The following ARL8B variants were observed in gnomAD, a reference collection of about 807,000 sequenced individuals.
The protein encoded by ARL8B is ADP-ribosylation factor-like protein 8B.
A neutral mutation model predicts 30.6 loss-of-function variants in ARL8B; 9 were observed. The observed-to-expected ratio is 0.29, with a 90% CI of 0.18 to 0.51. The LOEUF (loss-of-function observed/expected upper bound fraction) is 0.51, where lower values mean the gene tolerates loss of function less well. ARL8B is among the 20% of genes least tolerant of loss of function. The pLI, the probability that ARL8B is intolerant of heterozygous loss-of-function variation, is 0.97. For synonymous variants in ARL8B, 74 were observed against 76.0 expected, an observed-to-expected ratio of 0.97 and a Z score of 0.14; for missense variants, 130 against 227.2, an observed-to-expected ratio of 0.57 and a Z score of 2.75.
intron 6 of ARL8B, among the ~76,000 whole-genome samples, chr3:5,174,723 TTATATGTAATA>T (rs1437955363): frequency 2.1e-5 from 3 of 141,620 alleles, no homozygotes; most frequent in East Asian, 4.0e-4. Context: ...GTATTATATA[TTATATGTAATA>T]TATATGTAAT....
intron 1 of ARL8B, among the ~76,000 whole-genome samples, chr3:5,138,293 T>C (rs940490773): frequency 6.6e-6 from 1 of 152,148 alleles, no homozygotes; most frequent in East Asian, 1.9e-4. Context: ...AGTCTAACAT[T>C]GACTTCAAGC....
chr3:5,146,991 A>ATGACCATTCT (rs1301682556), intron 1 of ARL8B, among the ~76,000 whole-genome samples: 2 of 150,854 alleles, frequency 1.3e-5, no homozygotes, highest in African/African-American at 4.9e-5. Flanking sequence ...GTCTTCATTA[A>ATGACCATTCT]TGGTCATGAG....
intron 1 of ARL8B, among the ~76,000 whole-genome samples, chr3:5,170,204 A>G (rs2054660395): frequency 6.6e-6 from 1 of 152,238 alleles, no homozygotes; most frequent in Admixed American, 6.5e-5. Flanking sequence ...CTAGGTGAAC[A>G]CATTTAAAAA....
At chr3:5,158,348 T>G (rs3864061) in intron 1 of ARL8B, among the ~76,000 whole-genome samples, 1 of 152,140 alleles carries the variant, frequency 6.6e-6, no homozygotes, top group Non-Finnish European at 1.5e-5. Flanking sequence ...TGGTATTCAG[T>G]GGAAGGAACA....
At chr3:5,171,316 A>C (rs926271771) in intron 2 of ARL8B, among the ~76,000 whole-genome samples, 1 of 152,178 alleles carries the variant, frequency 6.6e-6, no homozygotes, top group Admixed American at 6.5e-5. Flanking sequence ...TAAAATGATT[A>C]TGGATGTGGC....
At chr3:5,163,909 T>C (rs1194687078) in intron 1 of ARL8B, among the ~76,000 whole-genome samples, 1 of 152,144 alleles carries the variant, frequency 6.6e-6, no homozygotes, top group Non-Finnish European at 1.5e-5. Flanking sequence ...GGGAATATCA[T>C]ATTTGAATAT....
At chr3:5,157,745 C>T (rs1205072466) in intron 1 of ARL8B, 2 of 152,204 alleles carry the variant, frequency 1.3e-5, no homozygotes, top group Non-Finnish European at 2.9e-5. Flanking sequence ...TATCGCCCCC[C>T]ATATACACAC....
intron 1 of ARL8B, among the ~76,000 whole-genome samples, chr3:5,138,477 G>C (rs911763010): frequency 5.3e-5 from 8 of 152,100 alleles, no homozygotes; most frequent in African/African-American, 1.9e-4. Context: ...TTGACCTCAA[G>C]TTTTCTTTTC....
rs188733305 is a variant in ARL8B, at chr3:5,129,918, T to C, written c.123+7330T>C. ...TTGCTCTATCACCCAGGCTGTAGTA[T>C]AGTGGCATGATCTTGGCTCACTGCA... On this transcript the variant is annotated intron_variant, in intron 1 of 6. Transcript: ENST00000256496. Among the ~76,000 whole-genome samples the C allele has an allele frequency of 5.3e-5, 8 of 152,212 alleles. No individual in the cohort carries two copies. The South Asian group carries it at 8.3e-4, about 16-fold the overall frequency.
Position 5,165,319 on chromosome 3 carries a change from A to G in ARL8B, c.124-5184A>G, listed in dbSNP as rs139166558. Among the ~76,000 whole-genome samples, 497 of 152,308 alleles carry G rather than the reference A, an allele frequency of 3.3e-3. 1 individual carries two copies. Among genetic ancestry groups the G allele is most frequent in the African/African-American group, 0.011 (470 of 41,582 alleles). On this transcript the variant is annotated intron_variant, in intron 1 of 6. Coordinates refer to ENST00000256496, the MANE Select transcript of ARL8B (RefSeq NM_018184.3). ...ATTGAAATAAAAAATTCTACTTACT[A>G]CAGAAATACAGAAAGCATAATACTA...
At chr3:5,155,132 A>T (rs1213344988) in intron 1 of ARL8B, among the ~76,000 whole-genome samples, 5 of 152,028 alleles carry the variant, frequency 3.3e-5, no homozygotes, top group Non-Finnish European at 7.4e-5. Flanking sequence ...TTTATCTGGG[A>T]ATGTTTTAAT....
intron 1 of ARL8B, among the ~76,000 whole-genome samples, chr3:5,147,074 C>T (rs1449568728): frequency 6.6e-6 from 1 of 151,410 alleles, no homozygotes; most frequent in African/African-American, 2.4e-5. Context: ...GCACAACATG[C>T]AGGTTTGTTA....
intron 1 of ARL8B, among the ~76,000 whole-genome samples, chr3:5,148,991 C>A (rs1343217716): frequency 6.6e-6 from 1 of 152,172 alleles, no homozygotes. Context: ...GTACTCGACC[C>A]GCGCTACTAG....
intron 1 of ARL8B, among the ~76,000 whole-genome samples, chr3:5,148,861 G>A (rs569580648): frequency 2.6e-5 from 4 of 152,252 alleles, no homozygotes; most frequent in Admixed American, 1.3e-4. Flanking sequence ...TCTCCCCAAA[G>A]GACTATCTGG....
chr3:5,129,371 A>T (rs993625828), intron 1 of ARL8B, among the ~76,000 whole-genome samples: 4 of 152,046 alleles, frequency 2.6e-5, no homozygotes, highest in African/African-American at 9.7e-5. Context: ...ATAAAGTTGG[A>T]CTTTGGTTAA....
At chr3:5,135,704 G>A (rs2106555961) in intron 1 of ARL8B, among the ~76,000 whole-genome samples, 1 of 151,474 alleles carries the variant, frequency 6.6e-6, no homozygotes, top group East Asian at 1.9e-4. Flanking sequence ...TGATCTGCCT[G>A]CCTCGGCCTC....
intron 1 of ARL8B, among the ~76,000 whole-genome samples, chr3:5,150,119 C>T (rs2054466743): frequency 6.6e-6 from 1 of 152,062 alleles, no homozygotes; most frequent in African/African-American, 2.4e-5. Flanking sequence ...AGTGTTCGTG[C>T]CTCTTCTGTT....
At chr3:5,137,437 CTTTT>C (rs368417212) in intron 1 of ARL8B, among the ~76,000 whole-genome samples, 49 of 132,678 alleles carry the variant, frequency 3.7e-4, no homozygotes, top group African/African-American at 7.2e-4. Flanking sequence ...TTAATTTTCT[CTTTT>C]TTTTTTTTTT....
Position 5,170,713 on chromosome 3 carries a change from T to C in ARL8B, c.204+130T>C, listed in dbSNP as rs1013249577. On this transcript the variant is annotated intron_variant, in intron 2 of 6. Transcript: ENST00000256496. ...AATGAATGTGCATGTTTCAAAAGAATAGGTTTTTTTGTTGTTGTTTTTTTG... is the reference window on the plus strand; with the variant it reads ...AATGAATGTGCATGTTTCAAAAGAACAGGTTTTTTTGTTGTTGTTTTTTTG... 5 of 621,802 alleles carry C rather than the reference T, an allele frequency of 8.0e-6. No individual in the cohort carries two copies. The East Asian group carries it at 9.2e-5, about 11-fold the overall frequency. 38.5% of individuals were successfully genotyped at this position (621,802 alleles called of 1,614,324 possible). A position where few individuals can be genotyped will look rare whatever the true frequency, so the allele number is the denominator to read the frequency against.
Sources: allele counts gnomAD v4.1 joint callset (sites outside exome capture counted in the v4.1 genomes callset), GRCh38; gene constraint gnomAD v4.1.1; transcripts MANE v1.5; gene names NCBI Gene and HGNC (gene_info 2026-07-23, HGNC 2026-07-21).